The following KLRG2 variants were observed in gnomAD, a reference collection of about 807,000 sequenced individuals.
The protein encoded by KLRG2 is killer cell lectin-like receptor subfamily G member 2.
Under a neutral mutation model 35.4 loss-of-function variants are expected in KLRG2, and 39 were observed. The observed-to-expected ratio is 1.10, with a 90% CI of 0.85 to 1.44. The LOEUF is 1.44. KLRG2 is among the 40% of genes most tolerant of loss of function. KLRG2 has a pLI of 0.00. For missense variants in KLRG2, 632 were observed against 570.9 expected, an observed-to-expected ratio of 1.11 and a Z score of -1.09; for synonymous variants, 283 against 265.8, an observed-to-expected ratio of 1.06 and a Z score of -0.63.
the KLRG2 span, among the ~76,000 whole-genome samples, chr7:139,440,174 G>A: frequency 1.3e-5 from 2 of 151,996 alleles, no homozygotes; most frequent in Non-Finnish European, 2.9e-5. Flanking sequence ...CAGTGGCACC[G>A]TCTCAGCTCA....
At chr7:139,460,271 CGTT>C (rs922958661) in intron 3 of KLRG2, among the ~76,000 whole-genome samples, 3 of 152,224 alleles carry the variant, frequency 2.0e-5, no homozygotes, top group African/African-American at 7.2e-5. Flanking sequence ...CTGGCCCCGA[CGTT>C]GTTGGTGGCT....
chr7:139,483,064 C>A lies in KLRG2; in HGVS notation c.579G>T (p.Thr193=), dbSNP rs1267267963. ...GGCCCTCTGCGTCGCAGCCGCTCTC[C>A]GTCCGGGCTGCAGCCAGCGGCGAGC... is the stretch of plus-strand genomic sequence containing the variant. ...GRRSPLAAAR[T]ESGCDAEGRA... The change falls in exon 1 of 5, where the codon ACG becomes ACT. Residue 193 remains threonine (T), a synonymous_variant. Coordinates refer to ENST00000340940, the MANE Select transcript of KLRG2 (RefSeq NM_198508.4). 2.0e-5 allele frequency: 28 copies of A among 1,388,348 alleles called. No individual in the cohort carries two copies. Among genetic ancestry groups the A allele is most frequent in the Non-Finnish European group, 2.6e-5 (28 of 1,081,978 alleles). 86.0% of individuals were successfully genotyped at this position (1,388,348 alleles called of 1,614,324 possible). A position where few individuals can be genotyped will look rare whatever the true frequency, so the allele number is the denominator to read the frequency against.
chr7:139,442,141 A>C, the KLRG2 span, among the ~76,000 whole-genome samples: 1 of 152,220 alleles, frequency 6.6e-6, no homozygotes, highest in Non-Finnish European at 1.5e-5. Context: ...CAGGATGCTC[A>C]GGTAGGGACT....
chr7:139,430,449 G>A, the KLRG2 span, among the ~76,000 whole-genome samples: 3 of 151,948 alleles, frequency 2.0e-5, no homozygotes, highest in Non-Finnish European at 4.4e-5. Flanking sequence ...ACATCCACTA[G>A]AATGATCAAA....
rs767106555 is a variant in KLRG2, at chr7:139,483,247, G to A, written c.396C>T (p.Pro132=). 16 of 1,551,160 alleles carry A rather than the reference G, an allele frequency of 1.0e-5. No individual in the cohort carries two copies. Among genetic ancestry groups the A allele is most frequent in the Middle Eastern group, 1.8e-4 (1 of 5,696 alleles). ...TGCTGCTGCCACCGGCCGCGCCCAC[G>A]GGCTTCACGCGCACATCTACCTGCA... is the stretch of plus-strand genomic sequence containing the variant. ...MELQVDVRVK[P]VGAAGGSSTP... Residue 132 remains proline, a synonymous_variant, in exon 1 of 5, where the codon CCC becomes CCT. Transcript: ENST00000340940.
At position 139,452,983 on chromosome 7, in the gene KLRG2, GAACCTTCCTGTCTGCC is replaced by G. The variant is rs991383071; in HGVS notation, c.*588_*603del. Reference sequence around the variant, plus strand: ...AGCCCACATGCGGGATCTCCACCCAGAACCTTCCTGTCTGCCAACCCTTTGCCAACTCTCAGGGTGG... The same window carrying G: ...AGCCCACATGCGGGATCTCCACCCAGAACCCTTTGCCAACTCTCAGGGTGG... On this transcript the variant is annotated 3_prime_UTR_variant, in exon 5 of 5. Transcript: ENST00000340940. 2 of 153,420 alleles carry G rather than the reference GAACCTTCCTGTCTGCC, an allele frequency of 1.3e-5. No individual in the cohort carries two copies. Among genetic ancestry groups the G allele is most frequent in the African/African-American group, 4.8e-5 (2 of 41,478 alleles). 9.5% of individuals were successfully genotyped at this position (153,420 alleles called of 1,614,324 possible).
chr7:139,465,169 C>A (rs111538519), intron 3 of KLRG2, among the ~76,000 whole-genome samples: 46 of 152,362 alleles, frequency 3.0e-4, no homozygotes, highest in African/African-American at 8.9e-4. Context: ...GGCTACCACT[C>A]TGCCCCCGTC....
At chr7:139,440,358 C>T in the KLRG2 span, among the ~76,000 whole-genome samples, 4 of 148,688 alleles carry the variant, frequency 2.7e-5, no homozygotes, top group African/African-American at 7.5e-5. Flanking sequence ...GTGAGCCTCC[C>T]ACCTCAGCCT....
chr7:139,475,731 T>A (rs1796839109), intron 3 of KLRG2, among the ~76,000 whole-genome samples: 1 of 152,052 alleles, frequency 6.6e-6, no homozygotes, highest in East Asian at 1.9e-4. Flanking sequence ...TGAGCTGCTC[T>A]AGCAAATTAA....
intron 3 of KLRG2, among the ~76,000 whole-genome samples, chr7:139,467,966 T>C (rs1301183977): frequency 3.9e-5 from 6 of 152,186 alleles, no homozygotes; most frequent in Admixed American, 1.3e-4. Context: ...TTCCATCTAC[T>C]GAGATAGGGG....
At chr7:139,427,650 T>G in the KLRG2 span, among the ~76,000 whole-genome samples, 1 of 152,216 alleles carries the variant, frequency 6.6e-6, no homozygotes, top group African/African-American at 2.4e-5. Flanking sequence ...GCTCCATATC[T>G]TGGACTAGCA....
chr7:139,480,264 C>G lies in KLRG2; in HGVS notation c.758-17G>C, dbSNP rs1585178862. On this transcript the variant is annotated splice_polypyrimidine_tract_variant and intron_variant, in intron 1 of 4. Transcript: ENST00000340940. Reference sequence around the variant, plus strand: ...TGGGTAGCCCTGGGACGGGGGCAAACAGGATAATCAGATTAGTGGAGACCA... The same window carrying G: ...TGGGTAGCCCTGGGACGGGGGCAAAGAGGATAATCAGATTAGTGGAGACCA... 7.0e-7 allele frequency: 1 copy of G among 1,431,668 alleles called. No homozygotes were observed. The highest frequency in any genetic ancestry group is 1.1e-5 in the South Asian group (1 of 87,420). 88.7% of individuals were successfully genotyped at this position (1,431,668 alleles called of 1,614,324 possible).
At chr7:139,465,267 T>TA (rs1312563684) in intron 3 of KLRG2, among the ~76,000 whole-genome samples, 19 of 152,188 alleles carry the variant, frequency 1.2e-4, no homozygotes, top group African/African-American at 4.6e-4. Flanking sequence ...ATATTGACTT[T>TA]AAATATGCCT....
chr7:139,429,368 GTTTTTC>G, the KLRG2 span, among the ~76,000 whole-genome samples: 21 of 141,524 alleles, frequency 1.5e-4, no homozygotes, highest in Non-Finnish European at 2.3e-4. Context: ...ATATATGGGT[GTTTTTC>G]TTTTTCTTTT....
chr7:139,476,619 T>C (rs1416581810), intron 3 of KLRG2, among the ~76,000 whole-genome samples: 1 of 152,124 alleles, frequency 6.6e-6, no homozygotes, highest in Non-Finnish European at 1.5e-5. Context: ...TTTGTATTTT[T>C]AGTAGAGACG....
chr7:139,436,746 T>C, the KLRG2 span, among the ~76,000 whole-genome samples: 1 of 152,224 alleles, frequency 6.6e-6, no homozygotes. Context: ...TGGGTTTTTG[T>C]TACTAAAAGC....
the KLRG2 span, among the ~76,000 whole-genome samples, chr7:139,430,900 T>A: frequency 5.3e-5 from 8 of 151,462 alleles, no homozygotes; most frequent in East Asian, 1.2e-3. Context: ...TCCCAGCTAC[T>A]TGGGAGGCTG....
chr7:139,447,179 A>G, the KLRG2 span, among the ~76,000 whole-genome samples: 1 of 151,878 alleles, frequency 6.6e-6, no homozygotes. Context: ...ATAGTTTCAG[A>G]TCAAATACAT....
At chr7:139,469,737 C>A (rs1045661242) in intron 3 of KLRG2, among the ~76,000 whole-genome samples, 6 of 152,244 alleles carry the variant, frequency 3.9e-5, no homozygotes, top group African/African-American at 1.4e-4. Context: ...AGCCACTACG[C>A]CCGGCTAATA....
Sources: allele counts gnomAD v4.1 joint callset (sites outside exome capture counted in the v4.1 genomes callset), GRCh38; gene constraint gnomAD v4.1.1; transcripts MANE v1.5; gene names NCBI Gene and HGNC (gene_info 2026-07-23, HGNC 2026-07-21).